CDH12: variants seen among roughly 807,000 people sequenced by gnomAD.
CDH12 encodes cadherin-12.
In CDH12, 41 loss-of-function variants were observed where a neutral mutation model predicts 74.1. The ratio of observed to expected loss-of-function variants is 0.55; its 90% CI spans 0.43 to 0.72. CDH12 has a LOEUF of 0.72. Among genes scored for constraint, CDH12 ranks in the 30% least tolerant of loss-of-function variants. CDH12 has a pLI of 0.00. For synonymous variants in CDH12, 399 were observed against 355.0 expected, an observed-to-expected ratio of 1.12 and a Z score of -1.39; for missense variants, 945 against 977.2, an observed-to-expected ratio of 0.97 and a Z score of 0.44.
chr5:22,610,509 T>C (rs1044233819), intron 1 of CDH12, among the ~76,000 whole-genome samples: 3 of 152,094 alleles, frequency 2.0e-5, no homozygotes, highest in Non-Finnish European at 4.4e-5. Flanking sequence ...GTTATGTCAA[T>C]AATTCTCAGT....
chr5:22,060,490 A>T (rs1049481253), intron 5 of CDH12, among the ~76,000 whole-genome samples: 9 of 152,146 alleles, frequency 5.9e-5, no homozygotes, highest in African/African-American at 2.2e-4. Context: ...TAAAATAAAT[A>T]AATTAATTAA....
intron 1 of CDH12, among the ~76,000 whole-genome samples, chr5:22,842,357 G>A (rs1581054558): frequency 6.6e-6 from 1 of 152,110 alleles, no homozygotes; most frequent in East Asian, 1.9e-4. Context: ...TTTAGACCCT[G>A]TAAACATGAA....
intron 6 of CDH12, among the ~76,000 whole-genome samples, chr5:21,952,419 G>T (rs1191204040): frequency 2.0e-5 from 3 of 152,134 alleles, no homozygotes; most frequent in African/African-American, 7.2e-5. Context: ...AAAAGCACTA[G>T]GATATTCACA....
chr5:22,408,953 T>C (rs1052073289), intron 2 of CDH12, among the ~76,000 whole-genome samples: 1 of 152,048 alleles, frequency 6.6e-6, no homozygotes, highest in Non-Finnish European at 1.5e-5. Flanking sequence ...CAATAAGGCA[T>C]ACTGACTTAC....
chr5:22,506,895 A>G (rs960657935), intron 1 of CDH12, among the ~76,000 whole-genome samples: 1 of 152,126 alleles, frequency 6.6e-6, no homozygotes, highest in Non-Finnish European at 1.5e-5. Context: ...TCCTTAATCT[A>G]TATTAAATAA....
At chr5:22,433,665 A>G (rs1744263608) in intron 2 of CDH12, among the ~76,000 whole-genome samples, 1 of 152,210 alleles carries the variant, frequency 6.6e-6, no homozygotes, top group African/African-American at 2.4e-5. Flanking sequence ...AATAAGTCAC[A>G]TGGTAATCTT....
chr5:22,241,263 A>G (rs905173412), intron 3 of CDH12, among the ~76,000 whole-genome samples: 9 of 152,042 alleles, frequency 5.9e-5, no homozygotes, highest in African/African-American at 2.2e-4. Context: ...GCCATAACGT[A>G]TTTTCAAAAC....
intron 6 of CDH12, among the ~76,000 whole-genome samples, chr5:21,880,612 C>CTCTCTCTCTCTCTTTCTTTCT (rs1561268318): frequency 1.4e-5 from 1 of 69,872 alleles, no homozygotes; most frequent in African/African-American, 6.6e-5. Flanking sequence ...TCCTTCCTTC[C>CTCTCTCTCTCTCTTTCTTTCT]TTCCTTCTTT....
chr5:22,469,560 G>C (rs1745873169), intron 2 of CDH12, among the ~76,000 whole-genome samples: 1 of 151,948 alleles, frequency 6.6e-6, no homozygotes, highest in Non-Finnish European at 1.5e-5. Context: ...TGACTCCTTT[G>C]CTCAATAAAG....
intron 2 of CDH12, among the ~76,000 whole-genome samples, chr5:22,424,657 C>A (rs939426501): frequency 2.6e-5 from 4 of 152,176 alleles, no homozygotes; most frequent in South Asian, 4.1e-4. Flanking sequence ...ACGGACTCTT[C>A]AGTGTTCCTT....
At chr5:22,487,308 T>C (rs886314156) in intron 2 of CDH12, among the ~76,000 whole-genome samples, 1 of 152,190 alleles carries the variant, frequency 6.6e-6, no homozygotes, top group African/African-American at 2.4e-5. Flanking sequence ...GGCCAATGCA[T>C]ATATTTTGAA....
chr5:21,966,557 C>G (rs1409501932), intron 6 of CDH12, among the ~76,000 whole-genome samples: 1 of 152,088 alleles, frequency 6.6e-6, no homozygotes, highest in Admixed American at 6.6e-5. Context: ...AGCTCCAGTA[C>G]CTAAAATAGT....
At chr5:22,795,886 A>G (rs1244862102) in intron 1 of CDH12, among the ~76,000 whole-genome samples, 1 of 152,002 alleles carries the variant, frequency 6.6e-6, no homozygotes, top group African/African-American at 2.4e-5. Flanking sequence ...ATAAAGTGAG[A>G]CTGAGGACCA....
chr5:22,429,542 A>G (rs1384060971), intron 2 of CDH12, among the ~76,000 whole-genome samples: 1 of 151,970 alleles, frequency 6.6e-6, no homozygotes, highest in East Asian at 1.9e-4. Flanking sequence ...TCTTTCTATG[A>G]CCCTTCTTGT....
intron 3 of CDH12, among the ~76,000 whole-genome samples, chr5:22,281,473 A>C (rs1580477344): frequency 6.6e-6 from 1 of 151,954 alleles, no homozygotes; most frequent in Non-Finnish European, 1.5e-5. Flanking sequence ...TGCTTAGAAA[A>C]CCCCATTGTC....
chr5:22,323,299 A>C (rs1224704834), intron 3 of CDH12, among the ~76,000 whole-genome samples: 2 of 152,118 alleles, frequency 1.3e-5, no homozygotes, highest in South Asian at 2.1e-4. Flanking sequence ...ATTACAATTA[A>C]AATTTATATT....
chr5:22,665,097 G>A (rs1740546005), intron 1 of CDH12, among the ~76,000 whole-genome samples: 1 of 151,988 alleles, frequency 6.6e-6, no homozygotes, highest in South Asian at 2.1e-4. Flanking sequence ...TGGAATTATA[G>A]GTGTGCACCA....
At chr5:22,474,402 G>A (rs772934772) in intron 2 of CDH12, among the ~76,000 whole-genome samples, 1 of 152,148 alleles carries the variant, frequency 6.6e-6, no homozygotes, top group African/African-American at 2.4e-5. Context: ...GATTCTCATC[G>A]GAGTGGCATG....
intron 5 of CDH12, among the ~76,000 whole-genome samples, chr5:22,004,764 T>C: frequency 6.6e-6 from 1 of 152,272 alleles, no homozygotes; most frequent in East Asian, 1.9e-4. Context: ...AAGTAAACAT[T>C]GTACCCAATA....
Sources: gnomAD v4.1 joint callset for allele counts (sites outside exome capture counted in the v4.1 genomes callset) on GRCh38, gnomAD v4.1.1 for gene constraint, MANE v1.5 for transcripts, NCBI Gene and HGNC (gene_info 2026-07-23, HGNC 2026-07-21) for gene names.